MUC5B: variants seen among roughly 807,000 people sequenced by gnomAD.
MUC5B encodes the protein mucin-5B.
Under a neutral mutation model 376.9 loss-of-function variants are expected in MUC5B, and 116 were observed. The observed-to-expected ratio is 0.31, with a 90% confidence interval of 0.26 to 0.36. The LOEUF (loss-of-function observed/expected upper bound fraction) is 0.36, where lower values mean the gene tolerates loss of function less well. Ranked by LOEUF, MUC5B falls within the 10% of genes least tolerant of loss-of-function variation. The probability of loss-of-function intolerance (pLI) is 1.00; values close to 1 mark genes in which losing one functional copy is unlikely to be tolerated. For missense variants in MUC5B, 7,165 were observed against 7,769.9 expected, an observed-to-expected ratio of 0.92 and a Z score of 2.93; for synonymous variants, 3,517 against 3,390.9, an observed-to-expected ratio of 1.04 and a Z score of -1.29.
At position 1,258,293 on chromosome 11, in the gene MUC5B, C is replaced by T; in HGVS notation, c.16556-37C>T. On this transcript the variant is annotated intron_variant, in intron 42 of 48. Transcript: ENST00000529681. This position sits in a 1 kb window ranked among gnomAD's most constrained non-coding sequence, Gnocchi z 5.5. ...TGGGGGCGCTGGAGCACATGCTCCC[C>T]ACCACTTGTCGAGGGCTTAGCTCCC... The T allele has an allele frequency of 3.1e-6, 5 of 1,609,138 alleles. No individual in the cohort carries two copies. Among genetic ancestry groups the T allele is most frequent in the Non-Finnish European group, 4.2e-6 (5 of 1,178,384 alleles).
Position 1,232,686 on chromosome 11 carries a change from T to C in MUC5B, c.1981T>C (p.Cys661Arg). Residue 661 changes from cysteine to arginine, a missense_variant, in exon 17 of 49, where the codon TGC (cysteine) becomes CGC (arginine). Around this residue, in one of 31 missense-constraint regions of MUC5B, gnomAD observed 530 missense variants for 604.0 expected, o/e 0.88. Transcript: ENST00000529681. ...CTGCAACTGTGAGCGGAGCGAGGAC[T>C]GCCTGTGCGCCGCGCTGTCCTCCTA... ...DTCNCERSEDCLCAALSSYVH... is the reference protein window; with the variant it reads ...DTCNCERSEDRLCAALSSYVH... 1 of 1,600,476 alleles carries C rather than the reference T, an allele frequency of 6.2e-7. No individual in the cohort carries two copies.
At chr11:1,252,712 G>A in intron 32 of MUC5B, 97 bp from the exon 33 acceptor site, 1 of 1,472,580 alleles carries the variant, frequency 6.8e-7, no homozygotes, top group Non-Finnish European at 9.1e-7. Flanking sequence ...GCAGGCTCTT[G>A]TGGCCACCCG....
At chr11:1,233,600 C>G (rs887774660) in intron 18 of MUC5B, among the ~76,000 whole-genome samples, 193 bp from the exon 19 acceptor site, 1 of 152,126 alleles carries the variant, frequency 6.6e-6, no homozygotes, top group South Asian at 2.1e-4. Context: ...TTGCTGCCCC[C>G]CTGTGTGTAT....
chr11:1,259,800 C>T lies in MUC5B; in HGVS notation c.16758C>T (p.Cys5586=), dbSNP rs765486172. 81 of 1,612,228 alleles carry T rather than the reference C, an allele frequency of 5.0e-5. 1 individual carries two copies. In the Admixed American group the frequency reaches 9.2e-4, roughly 18 times the overall value. The change falls in exon 45 of 49, where the codon TGC becomes TGT. Residue 5586 remains cysteine (C), a synonymous_variant. Transcript: ENST00000529681. ...TGGCCGGGCAGTGCTGTGGGGAGTG[C>T]GTCCAGACCGCCTGCCTCACGCCCG... is the stretch of plus-strand genomic sequence containing the variant. The part of the protein sequence containing the change: ...KRVAGQCCGE[C]VQTACLTPDG...
Position 1,226,707 on chromosome 11 carries a change from C to G in MUC5B, c.292C>G (p.Leu98Val), listed in dbSNP as rs777200478. Residue 98 changes from leucine (L) to valine (V), a missense_variant, in exon 4 of 49, where the codon CTT (leucine) becomes GTT (valine). Coordinates refer to ENST00000529681, the MANE Select transcript of MUC5B (RefSeq NM_002458.3). ...FDGDVFRFPG[L>V]CNYVFSEHCR... ...CGGCGACGTCTTCCGCTTCCCTGGC[C>G]TTTGCAACTACGTGTTCTCTGAGCA... is the stretch of plus-strand genomic sequence containing the variant. 6.2e-6 allele frequency: 10 copies of G among 1,612,812 alleles called. No individual in the cohort carries two copies. The highest frequency in any genetic ancestry group is 5.9e-6 in the Non-Finnish European group (7 of 1,179,814).
At chr11:1,229,040 C>A in intron 8 of MUC5B, 130 bp from the exon 9 acceptor site, 1 of 1,183,294 alleles carries the variant, frequency 8.5e-7, no homozygotes, top group Non-Finnish European at 1.1e-6. Flanking sequence ...GGCGTCAGGG[C>A]CACCCTGGGG....
rs1187359931 is a variant in MUC5B at position 1,247,938 on chromosome 11, T to C, written c.11058T>C (p.Thr3686=). 6.2e-7 allele frequency: 1 copy of C among 1,610,946 alleles called. No individual in the cohort carries two copies. The highest frequency in any genetic ancestry group is 8.5e-7 in the Non-Finnish European group (1 of 1,178,222). Residue 3686 remains threonine, a synonymous_variant, in exon 31 of 49, where the codon ACT becomes ACC. Transcript: ENST00000529681. ...GCTCTACGGCCACGCCCTCCTCAACTCCGGGGACGACCTGGATCCTCACAA... is the reference window on the plus strand; with the variant it reads ...GCTCTACGGCCACGCCCTCCTCAACCCCGGGGACGACCTGGATCCTCACAA... The part of the protein sequence containing the change: ...ATSSTATPSS[T]PGTTWILTKL...
Position 1,261,699 on chromosome 11 carries a change from C to G in MUC5B, c.*91C>G. 1.5e-6 allele frequency: 2 copies of G among 1,300,026 alleles called. No homozygotes were observed. Among genetic ancestry groups the G allele is most frequent in the Non-Finnish European group, 1.1e-6 (1 of 929,186 alleles). 80.5% of individuals were successfully genotyped at this position (1,300,026 alleles called of 1,614,324 possible). A position where few individuals can be genotyped will look rare whatever the true frequency, so the allele number is the denominator to read the frequency against. ...AAAACCTTGGGCCTCCTCTGCGGAG[C>G]CCCCCGGCCTGTGTGTGGCACCCCG... On this transcript the variant is annotated 3_prime_UTR_variant, in exon 49 of 49. Transcript: ENST00000529681.
chr11:1,223,492 G>A (rs1564929641), intron 1 of MUC5B: 1 of 497,700 alleles, frequency 2.0e-6, no homozygotes, highest in South Asian at 2.0e-5. Flanking sequence ...GGGTGGGACA[G>A]GAGTGGGCAA....
chr11:1,249,257 C>T lies in MUC5B; in HGVS notation c.12377C>T (p.Thr4126Met), dbSNP rs2860626. 702 of 1,599,468 alleles carry T rather than the reference C, an allele frequency of 4.4e-4. 7 individuals carry two copies. Among genetic ancestry groups the T allele is most frequent in the Middle Eastern group, 2.0e-3 (9 of 4,422 alleles). Residue 4126 changes from threonine (T) to methionine (M), a missense_variant, in exon 31 of 49, where the codon ACG becomes ATG. Around this residue, in one of 31 missense-constraint regions of MUC5B, gnomAD observed 47 missense variants for 88.4 expected, o/e 0.53. Coordinates refer to ENST00000529681, the MANE Select transcript of MUC5B (RefSeq NM_002458.3). ...GCCCCCATAACCACGGTGGTGACCA[C>T]GGGCTGTGAGCCCCAGTGTGCCTGG... ...TSAPITTVVT[T>M]GCEPQCAWSE...
rs747781977 is a variant in MUC5B, at chr11:1,258,542, C to T, written c.16593+175C>T. Among the ~76,000 whole-genome samples, 12 of 152,260 alleles carry T rather than the reference C, an allele frequency of 7.9e-5. No individual in the cohort carries two copies. Among genetic ancestry groups the T allele is most frequent in the Middle Eastern group, 3.4e-3 (1 of 294 alleles). ...ATGCTTGGGACTCAGGGGCACCTTA[C>T]GTCGACAGCCATGAGCTCCACAACT... On this transcript the variant is annotated intron_variant, in intron 43 of 48. Transcript: ENST00000529681. This position sits in a 1 kb window ranked among gnomAD's most constrained non-coding sequence, Gnocchi z 5.5.
In MUC5B at chr11:1,246,152, T is replaced by A; in HGVS notation, c.9272T>A (p.Met3091Lys). The change falls in exon 31 of 49, where the codon ATG (methionine) becomes AAG (lysine). Residue 3091 changes from methionine (M) to lysine (K), a missense_variant. Met to Lys is a moderately conservative substitution (Grantham distance 95). Transcript: ENST00000529681. ...PEQTTTPMAT[M>K]STIHPSSTPE... is the part of the protein sequence containing the mutation. ...CAGACCACCACACCCATGGCCACCATGTCCACAATCCACCCCTCCTCCACT... is the reference window on the plus strand; with the variant it reads ...CAGACCACCACACCCATGGCCACCAAGTCCACAATCCACCCCTCCTCCACT... 1 of 1,607,072 alleles carries A rather than the reference T, an allele frequency of 6.2e-7. No individual in the cohort carries two copies. The highest frequency in any genetic ancestry group is 1.7e-5 in the Admixed American group (1 of 59,478).
rs768925870 is a variant in MUC5B at position 1,249,427 on chromosome 11, C to G, written c.12547C>G (p.Pro4183Ala). 1 of 1,611,318 alleles carries G rather than the reference C, an allele frequency of 6.2e-7. No homozygotes were observed. The highest frequency in any genetic ancestry group is 8.5e-7 in the Non-Finnish European group (1 of 1,179,646). The change falls in exon 31 of 49, where the codon CCC (proline) becomes GCC (alanine). Residue 4183 changes from proline (P) to alanine (A), a missense_variant. By Grantham distance (27) the Pro-to-Ala change is conservative. Coordinates refer to ENST00000529681, the MANE Select transcript of MUC5B (RefSeq NM_002458.3). ...ECRAQAQPGV[P>A]LGELGQVVEC... Reference sequence around the variant, plus strand: ...CCGTGCCCAGGCCCAGCCTGGTGTCCCCCTGGGGGAGTTGGGCCAGGTCGT... The same window carrying G: ...CCGTGCCCAGGCCCAGCCTGGTGTCGCCCTGGGGGAGTTGGGCCAGGTCGT...
At position 1,233,224 on chromosome 11, in the gene MUC5B, C is replaced by T. The variant is rs760837511; in HGVS notation, c.2277C>T (p.Thr759=). Residue 759 remains threonine (T), a synonymous_variant, in exon 18 of 49, where the codon ACC becomes ACT. Coordinates refer to ENST00000529681, the MANE Select transcript of MUC5B (RefSeq NM_002458.3). The part of the protein sequence containing the change: ...AQECPCYAHG[T]VLAPGEVVHD... ...AGTGCCCCTGCTACGCTCACGGCACCGTGCTGGCTCCTGGAGAGGTGGTGC... is the reference window on the plus strand; with the variant it reads ...AGTGCCCCTGCTACGCTCACGGCACTGTGCTGGCTCCTGGAGAGGTGGTGC... 38 of 1,594,686 alleles carry T rather than the reference C, an allele frequency of 2.4e-5. No individual in the cohort carries two copies. Among genetic ancestry groups the T allele is most frequent in the Admixed American group, 5.1e-5 (3 of 58,288 alleles).
At position 1,254,327 on chromosome 11, in the gene MUC5B, G is replaced by A. The variant is rs770964864; in HGVS notation, c.15453G>A (p.Met5151Ile). 11 of 1,604,842 alleles carry A rather than the reference G, an allele frequency of 6.9e-6. No homozygotes were observed. In the East Asian group the frequency reaches 2.0e-4, roughly 29 times the overall value. ...TGGATATCGTCCTCACTGTCACCAT[G>A]GTGCATGGGAAGGAGGAGGGCCTGG... ...KSMDIVLTVT[M>I]VHGKEEGLIL... Residue 5151 changes from methionine to isoleucine, a missense_variant, in exon 34 of 49, where the codon ATG (methionine) becomes ATA (isoleucine). Physicochemically the swap from Met to Ile is conservative, Grantham distance 10. Coordinates refer to ENST00000529681, the MANE Select transcript of MUC5B (RefSeq NM_002458.3).
rs765932556 is a variant in MUC5B, at chr11:1,247,569, A to G, written c.10689A>G (p.Ile3563Met). ...LLPSSPTSAPITTVVTTGCEP... is the reference protein window; with the variant it reads ...LLPSSPTSAPMTTVVTTGCEP... ...CCAGCAGCCCCACATCGGCCCCCAT[A>G]ACCACGGTGGTGACCACGGGCTGTG... The change falls in exon 31 of 49, where the codon ATA becomes ATG. Residue 3563 changes from isoleucine to methionine, a missense_variant. Around this residue, in one of 31 missense-constraint regions of MUC5B, gnomAD observed 81 missense variants for 154.5 expected, o/e 0.52. Coordinates refer to ENST00000529681, the MANE Select transcript of MUC5B (RefSeq NM_002458.3). The G allele has an allele frequency of 2.5e-6, 4 of 1,610,756 alleles. No homozygotes were observed. Among genetic ancestry groups the G allele is most frequent in the African/African-American group, 2.7e-5 (2 of 74,754 alleles).
Position 1,236,401 on chromosome 11 carries a change from C to T in MUC5B, c.2896C>T (p.Leu966Phe). The T allele has an allele frequency of 6.2e-7, 1 of 1,610,564 alleles. No homozygotes were observed. Among genetic ancestry groups the T allele is most frequent in the Non-Finnish European group, 8.5e-7 (1 of 1,178,358 alleles). ...TCCCCTGCAGAGCTACGAGCTGATC[C>T]TCCAAGAGGGGACCTTTAAGGCGGT... ...KLFVESYELILQEGTFKAVAR... is the reference protein window; with the variant it reads ...KLFVESYELIFQEGTFKAVAR... Residue 966 changes from leucine to phenylalanine, a missense_variant, in exon 24 of 49, where the codon CTC (leucine) becomes TTC (phenylalanine). By Grantham distance (22) the Leu-to-Phe change is conservative. This residue lies in a region of MUC5B where 530 missense variants were observed against 604.0 expected (regional missense o/e 0.88). Transcript: ENST00000529681.
chr11:1,232,575 G>A (rs1381460941), intron 16 of MUC5B, 31 bp downstream of exon 16: 2 of 1,604,140 alleles, frequency 1.2e-6, no homozygotes, highest in Admixed American at 1.7e-5. Flanking sequence ...CCCCACGCCT[G>A]GGCAGGATGG....
chr11:1,236,591 C>T (rs753595771), intron 24 of MUC5B, 29 bp downstream of exon 24: 1 of 1,597,402 alleles, frequency 6.3e-7, no homozygotes, highest in Non-Finnish European at 8.6e-7. Flanking sequence ...CTCCTAGGCC[C>T]TGCAGGACCC....
Sources: gnomAD v4.1 joint callset for allele counts (sites outside exome capture counted in the v4.1 genomes callset) on GRCh38, gnomAD v4.1.1 for gene constraint, gnomAD v4.1.1 regional missense constraint, Gnocchi (gnomAD v3.1) non-coding constraint, MANE v1.5 for transcripts, NCBI Gene and HGNC (gene_info 2026-07-23, HGNC 2026-07-21) for gene names.